Variants in MIA2 observed in about 807,000 individuals in gnomAD.
MIA2 encodes the protein MIA SH3 domain ER export factor 2.
MIA2 carries 127 observed loss-of-function variants against 167.8 expected under a neutral mutation model. The ratio of observed to expected loss-of-function variants is 0.76; its 90% CI spans 0.66 to 0.88. The LOEUF (loss-of-function observed/expected upper bound fraction) is 0.88. Among genes scored for constraint, MIA2 ranks in the 40% least tolerant of loss-of-function variants. MIA2 has a pLI of 0.00. For missense variants in MIA2, 1,690 were observed against 1,624.7 expected (o/e 1.04, Z -0.69); for synonymous variants, 552 against 541.9 (o/e 1.02, Z -0.26).
chr14:39,339,416 TAGAG>T (rs780896923), intron 25 of MIA2, among the ~76,000 whole-genome samples: 4 of 152,146 alleles, frequency 2.6e-5, no homozygotes, highest in Admixed American at 6.5e-5. Context: ...TATATTTAGA[TAGAG>T]AGATACAGTG....
rs983531748 is a variant in MIA2 at position 39,306,367 on chromosome 14, C to T, written c.2878+1986C>T. Among the ~76,000 whole-genome samples the T allele has an allele frequency of 4.6e-5, 7 of 152,188 alleles. No individual in the cohort carries two copies. In the South Asian group the frequency reaches 6.2e-4, roughly 14 times the overall value. On this transcript the variant is annotated intron_variant, in intron 17 of 28. Transcript: ENST00000640607. Reference sequence around the variant, plus strand: ...TTCTGGGGAGGTGTCAGGAAATTAACAGTCATGGTGGAAGGTGAAGGGGTA... The same window carrying T: ...TTCTGGGGAGGTGTCAGGAAATTAATAGTCATGGTGGAAGGTGAAGGGGTA...
chr14:39,256,754 A>C (rs894037027), intron 6 of MIA2, among the ~76,000 whole-genome samples: 1 of 152,210 alleles, frequency 6.6e-6, no homozygotes. Flanking sequence ...AAAAATAAAC[A>C]TAAATAGGAA....
rs536341881 is a variant in MIA2, at chr14:39,293,370, C to G, written c.2308C>G (p.Gln770Glu). The stretch of plus-strand genomic sequence containing the variant: ...AGAAGAGAAATCCAAACATTCTGAA[C>G]AAGATGAATTGGTAAGGCTTTTTTA... The part of the protein sequence containing the change: ...LKEEKSKHSE[Q>E]DELMADISKR... The change falls in exon 11 of 29, where the codon CAA (glutamine) becomes GAA (glutamate). Residue 770 changes from glutamine to glutamate, a missense_variant. Transcript: ENST00000640607. 8.4e-5 allele frequency: 133 copies of G among 1,579,616 alleles called. No homozygotes were observed. In the South Asian group the frequency reaches 1.1e-3, roughly 13 times the overall value.
chr14:39,275,943 G>A (rs2057942634), intron 6 of MIA2, among the ~76,000 whole-genome samples: 1 of 152,164 alleles, frequency 6.6e-6, no homozygotes, highest in South Asian at 2.1e-4. Context: ...AGTTATAAAA[G>A]ATTTTGGAGA....
At chr14:39,305,671 C>A (rs867697589) in intron 17 of MIA2, among the ~76,000 whole-genome samples, 2 of 152,316 alleles carry the variant, frequency 1.3e-5, no homozygotes, top group South Asian at 2.1e-4. Flanking sequence ...CGCGGCGGCT[C>A]ACGCCTATAA....
chr14:39,320,489 A>G (rs1157014473), intron 23 of MIA2, among the ~76,000 whole-genome samples: 1 of 152,180 alleles, frequency 6.6e-6, no homozygotes, highest in East Asian at 1.9e-4. Flanking sequence ...TAAACAATTC[A>G]TGGCCCAATA....
At position 39,247,329 on chromosome 14, in the gene MIA2, G is replaced by A. The variant is rs766336241; in HGVS notation, c.755G>A (p.Arg252Gln). The A allele has an allele frequency of 3.1e-5, 50 of 1,613,874 alleles. No homozygotes were observed. The highest frequency in any genetic ancestry group is 1.2e-4 in the African/African-American group (9 of 74,922). The part of the protein sequence containing the change: ...VIEPVQESSF[R>Q]SRKIAVEDEN... ...GAACCTGTACAAGAAAGCTCATTTC[G>A]GAGTAGAAAAATAGCAGTGGAAGAT... Residue 252 changes from arginine (R) to glutamine (Q), a missense_variant, in exon 4 of 29, where the codon CGG becomes CAG. Transcript: ENST00000640607.
intron 17 of MIA2, among the ~76,000 whole-genome samples, chr14:39,307,815 A>G (rs907474682): frequency 6.6e-6 from 1 of 152,186 alleles, no homozygotes; most frequent in African/African-American, 2.4e-5. Context: ...GAGTGAGCCT[A>G]TTTTAAGTGA....
At chr14:39,353,253 A>G (rs907065108), downstream of MIA2, among the ~76,000 whole-genome samples, 2 of 151,854 alleles carry the variant, frequency 1.3e-5, no homozygotes, top group Admixed American at 1.3e-4. Flanking sequence ...GTTACTAAGT[A>G]TCATCACTAT....
At chr14:39,267,597 G>A in intron 6 of MIA2, 1 of 1,556,916 alleles carries the variant, frequency 6.4e-7, no homozygotes. Flanking sequence ...CAGTAGACCG[G>A]CTTTGGGGTC....
At chr14:39,338,702 C>A (rs2071068057) in intron 25 of MIA2, among the ~76,000 whole-genome samples, 1 of 152,028 alleles carries the variant, frequency 6.6e-6, no homozygotes, top group Admixed American at 6.6e-5. Context: ...TGTGACTTAC[C>A]TTGCTCAGCG....
intron 3 of MIA2, 125 bp from the exon 4 acceptor site, chr14:39,246,786 T>G: frequency 2.0e-6 from 1 of 508,046 alleles, no homozygotes; most frequent in Non-Finnish European, 3.4e-6. Flanking sequence ...GTTTGAGTTT[T>G]TGCTCTGCTG....
At chr14:39,370,599 G>T in intron 23 of MIA2, 1 of 363,770 alleles carries the variant, frequency 2.7e-6, no homozygotes, top group Non-Finnish European at 5.7e-6. Flanking sequence ...GCATCCTCTT[G>T]AGGAAGTCCA....
downstream of MIA2, among the ~76,000 whole-genome samples, chr14:39,351,951 G>A (rs1266750885): frequency 6.6e-6 from 1 of 152,072 alleles, no homozygotes; most frequent in African/African-American, 2.4e-5. Flanking sequence ...TAATTCCTGA[G>A]TCACTCAGAA....
intron 2 of MIA2, among the ~76,000 whole-genome samples, chr14:39,238,811 A>AAAAAAAAAAAAAAAAAAAAC: frequency 4.0e-4 from 41 of 103,624 alleles, no homozygotes; most frequent in African/African-American, 8.6e-4. Flanking sequence ...AAAAAAAAAA[A>AAAAAAAAAAAAAAAAAAAAC]CCCAAAAAAC....
chr14:39,329,347 G>A (rs1428787718), intron 25 of MIA2, among the ~76,000 whole-genome samples: 3 of 152,150 alleles, frequency 2.0e-5, no homozygotes, highest in Non-Finnish European at 4.4e-5. Context: ...ATTAGCTTAA[G>A]GAGTGTTTGG....
chr14:39,353,152 G>T (rs182542360), downstream of MIA2, among the ~76,000 whole-genome samples: 161 of 152,194 alleles, frequency 1.1e-3, no homozygotes, highest in African/African-American at 3.6e-3. Context: ...GTATTTGGGG[G>T]TATCCACCAT....
chr14:39,368,318 A>G (rs1196308166), intron 23 of MIA2, among the ~76,000 whole-genome samples: 1 of 152,202 alleles, frequency 6.6e-6, no homozygotes, highest in African/African-American at 2.4e-5. Context: ...CATCTCTGAG[A>G]AAGTCTCAGG....
chr14:39,334,384 A>G (rs2069776742), intron 25 of MIA2, among the ~76,000 whole-genome samples: 1 of 148,016 alleles, frequency 6.8e-6, no homozygotes, highest in African/African-American at 2.5e-5. Context: ...CTGAGGCAGG[A>G]GAATTGCTTG....
Sources: allele counts gnomAD v4.1 joint callset (sites outside exome capture counted in the v4.1 genomes callset), GRCh38; gene constraint gnomAD v4.1.1; transcripts MANE v1.5; gene names NCBI Gene and HGNC (gene_info 2026-07-23, HGNC 2026-07-21).